CHD1: variants seen among roughly 807,000 people sequenced by gnomAD.
The protein encoded by CHD1 is chromodomain helicase DNA binding protein 1.
Under a neutral mutation model 224.2 loss-of-function variants are expected in CHD1, and 36 were observed. The observed-to-expected ratio is 0.16, with a 90% CI of 0.12 to 0.21. The LOEUF (loss-of-function observed/expected upper bound fraction) is 0.21. CHD1 is among the 10% of genes least tolerant of loss of function. The pLI is 1.00. For synonymous variants in CHD1, 668 were observed against 658.3 expected, an observed-to-expected ratio of 1.01 and a Z score of -0.23; for missense variants, 1,378 against 1,994.8, an observed-to-expected ratio of 0.69 and a Z score of 5.89.
intron 2 of CHD1, among the ~76,000 whole-genome samples, chr5:98,922,768 C>G (rs1753188542): frequency 6.6e-6 from 1 of 152,250 alleles, no homozygotes; most frequent in Middle Eastern, 3.4e-3. Context: ...GCGGGCAGAT[C>G]ACCTGAGGTC....
chr5:98,893,885 A>C (rs1751180085), intron 13 of CHD1, among the ~76,000 whole-genome samples: 1 of 152,176 alleles, frequency 6.6e-6, no homozygotes, highest in Non-Finnish European at 1.5e-5. Flanking sequence ...GTGTCATTTA[A>C]AATTTTTACA....
intron 2 of CHD1, among the ~76,000 whole-genome samples, chr5:98,906,032 C>T (rs977318165): frequency 6.6e-6 from 1 of 152,152 alleles, no homozygotes; most frequent in Non-Finnish European, 1.5e-5. Context: ...TTCCTGTCCT[C>T]TTCTGTAATT....
At chr5:98,924,741 C>T (rs1022773448) in intron 2 of CHD1, among the ~76,000 whole-genome samples, 3 of 152,072 alleles carry the variant, frequency 2.0e-5, no homozygotes, top group Non-Finnish European at 4.4e-5. Flanking sequence ...TTTGGGAGCT[C>T]GAGGCAGGTG....
At chr5:98,891,582 G>A (rs988488836) in intron 15 of CHD1, among the ~76,000 whole-genome samples, 16 of 152,084 alleles carry the variant, frequency 1.1e-4, no homozygotes, top group East Asian at 1.9e-4. Flanking sequence ...AGGCTGAGGC[G>A]TGTGGATCGC....
Position 98,876,433 on chromosome 5 carries a change from C to T in CHD1, c.3363G>A (p.Glu1121=). The change falls in exon 24 of 36, where the codon GAG becomes GAA. Residue 1121 remains glutamate, a synonymous_variant. Transcript: ENST00000614616. ...CTGCATCACTAAATCCTTTAATATTCTCCCGAGGAATAGTCCGTGGTCTTC... is the reference window on the plus strand; with the variant it reads ...CTGCATCACTAAATCCTTTAATATTTTCCCGAGGAATAGTCCGTGGTCTTC... ...KRGRPRTIPR[E]NIKGFSDAEI... is the part of the protein sequence containing the mutation. 2 of 1,613,994 alleles carry T rather than the reference C, an allele frequency of 1.2e-6. No homozygotes were observed. Among genetic ancestry groups the T allele is most frequent in the Non-Finnish European group, 1.7e-6 (2 of 1,179,904 alleles).
chr5:98,926,590 A>G (rs1753470144), intron 1 of CHD1, 56 bp from the exon 2 acceptor site: 1 of 371,342 alleles, frequency 2.7e-6, no homozygotes, highest in African/African-American at 2.1e-5. Context: ...AAGGTAAATT[A>G]AGCCCTGTCT....
intron 18 of CHD1, among the ~76,000 whole-genome samples, chr5:98,884,096 C>A (rs1185050683): frequency 6.9e-6 from 1 of 144,478 alleles, no homozygotes; most frequent in African/African-American, 2.6e-5. Context: ...TTTTTTGAGA[C>A]GGAGTCTCGC....
chr5:98,915,311 C>G (rs1752667319), intron 2 of CHD1, among the ~76,000 whole-genome samples: 1 of 152,154 alleles, frequency 6.6e-6, no homozygotes, highest in African/African-American at 2.4e-5. Context: ...CAAGACAAAA[C>G]TGTATTATAA....
Position 98,860,080 on chromosome 5 carries a change from TAA to T in CHD1, c.4428-14_4428-13del. The T allele has an allele frequency of 7.1e-7, 1 of 1,417,892 alleles. No individual in the cohort carries two copies. Among genetic ancestry groups the T allele is most frequent in the Admixed American group, 1.9e-5 (1 of 52,508 alleles). 87.8% of individuals were successfully genotyped at this position (1,417,892 alleles called of 1,614,324 possible). On this transcript the variant is annotated splice_polypyrimidine_tract_variant and intron_variant, in intron 32 of 35. Transcript: ENST00000614616. The stretch of plus-strand genomic sequence containing the variant: ...AAATCCACAGGTTTCTAGAAGAATT[TAA>T]AAAAAGGCAAATTAAGTTAGTCTGG...
At chr5:98,920,535 A>G (rs569985130) in intron 2 of CHD1, among the ~76,000 whole-genome samples, 1 of 152,268 alleles carries the variant, frequency 6.6e-6, no homozygotes, top group East Asian at 1.9e-4. Context: ...TGGCTCACAC[A>G]CCTGTAATCC....
chr5:98,914,829 T>C (rs78463957), intron 2 of CHD1, among the ~76,000 whole-genome samples: 1 of 152,316 alleles, frequency 6.6e-6, no homozygotes, highest in Non-Finnish European at 1.5e-5. Context: ...GTTCCCACAA[T>C]ACTTTGCTCA....
chr5:98,898,698 T>A lies in CHD1; in HGVS notation c.1152A>T (p.Leu384=), dbSNP rs1268362041. 1.9e-6 allele frequency: 3 copies of A among 1,590,022 alleles called. No individual in the cohort carries two copies. The highest frequency in any genetic ancestry group is 2.6e-6 in the Non-Finnish European group (3 of 1,159,034). Residue 384 remains leucine, a synonymous_variant, in exon 9 of 36, where the codon CTA becomes CTT. Coordinates refer to ENST00000614616, the MANE Select transcript of CHD1 (RefSeq NM_001270.4). Reference sequence around the variant, plus strand: ...GTTCCACTATTTGATACTGTTTATGTAGATCATCTGTAAGTTCTTGCTGGC... The same window carrying A: ...GTTCCACTATTTGATACTGTTTATGAAGATCATCTGTAAGTTCTTGCTGGC... ...YNCQQELTDD[L]HKQYQIVERI...
chr5:98,881,148 C>T lies in CHD1; in HGVS notation c.2988G>A (p.Leu996=), dbSNP rs1286866726. 1 of 1,605,426 alleles carries T rather than the reference C, an allele frequency of 6.2e-7. No individual in the cohort carries two copies. Among genetic ancestry groups the T allele is most frequent in the East Asian group, 2.2e-5 (1 of 44,654 alleles). ...EPQEMDIDEI[L]KRAETHENEP... ...CATTTTCATGAGTTTCAGCTCTCTT[C>T]AAGATTTCATCTATATCCATTTCCT... The change falls in exon 22 of 36, where the codon TTG becomes TTA. Residue 996 remains leucine, a synonymous_variant. Coordinates refer to ENST00000614616, the MANE Select transcript of CHD1 (RefSeq NM_001270.4).
intron 1 of CHD1, 101 bp downstream of exon 1, chr5:98,928,438 C>T (rs1290398485): frequency 6.5e-6 from 1 of 154,236 alleles, no homozygotes; most frequent in Non-Finnish European, 1.4e-5. Context: ...TTCACCCGGC[C>T]GCTGGGCCGC....
At position 98,869,756 on chromosome 5, in the gene CHD1, TATC is replaced by T; in HGVS notation, c.4102_4104del (p.Asp1368del). ...GTTGTTCTAAAACACATTCTTACTT[TATC>T]ATCATCTTCATCAGACTTCTCTGAA... On this transcript the variant is annotated inframe_deletion, in exon 30 of 36. Transcript: ENST00000614616. 1 of 1,613,296 alleles carries T rather than the reference TATC, an allele frequency of 6.2e-7. No homozygotes were observed.
chr5:98,864,086 T>C (rs1580356189), intron 31 of CHD1, among the ~76,000 whole-genome samples: 1 of 152,008 alleles, frequency 6.6e-6, no homozygotes, highest in Admixed American at 6.6e-5. Context: ...ATATTTTGGG[T>C]GGTTGGGGAG....
chr5:98,872,014 A>C, intron 28 of CHD1, 37 bp downstream of exon 28: 1 of 1,519,252 alleles, frequency 6.6e-7, no homozygotes. Flanking sequence ...ATTAAATTCA[A>C]CATGAATGGT....
At chr5:98,872,875 T>C (rs537746522) in intron 26 of CHD1, among the ~76,000 whole-genome samples, 1 of 152,292 alleles carries the variant, frequency 6.6e-6, no homozygotes, top group African/African-American at 2.4e-5. Flanking sequence ...AGGCTGGAAG[T>C]GCAGTGGTGC....
chr5:98,874,655 TGAGCCAA>T (rs1364725149), intron 25 of CHD1, among the ~76,000 whole-genome samples: 1 of 149,038 alleles, frequency 6.7e-6, no homozygotes, highest in Non-Finnish European at 1.5e-5. Context: ...GAGGTTACAG[TGAGCCAA>T]GATCGCGCCA....
Sources: allele counts gnomAD v4.1 joint callset (sites outside exome capture counted in the v4.1 genomes callset), GRCh38; gene constraint gnomAD v4.1.1; transcripts MANE v1.5; gene names NCBI Gene and HGNC (gene_info 2026-07-23, HGNC 2026-07-21).